The following EML2 variants were observed in gnomAD, a reference collection of about 807,000 sequenced individuals.
EML2 encodes echinoderm microtubule-associated protein-like 2.
Under a neutral mutation model 84.7 loss-of-function variants are expected in EML2, and 59 were observed. The ratio of observed to expected loss-of-function variants is 0.70; its 90% CI spans 0.56 to 0.86. EML2 has a LOEUF of 0.86. Among genes scored for constraint, EML2 ranks in the 40% least tolerant of loss-of-function variants. The pLI is 0.00. For synonymous variants in EML2, 352 were observed against 348.9 expected (o/e 1.01, Z -0.10); for missense variants, 818 against 855.6 (o/e 0.96, Z 0.55).
At chr19:45,644,458 C>G (rs1443341441), upstream of EML2, among the ~76,000 whole-genome samples, 1 of 152,144 alleles carries the variant, frequency 6.6e-6, no homozygotes, top group Non-Finnish European at 1.5e-5. Flanking sequence ...GCCCAGAGGA[C>G]TGAACCTCCA....
intron 9 of EML2, among the ~76,000 whole-genome samples, chr19:45,623,280 A>T (rs1194131028): frequency 6.6e-6 from 1 of 151,910 alleles, no homozygotes; most frequent in Admixed American, 6.6e-5. Context: ...AATGGCGTGA[A>T]CCCAGGAGGC....
chr19:45,641,609 T>A, upstream of EML2: 1 of 1,531,812 alleles, frequency 6.5e-7, no homozygotes, highest in Non-Finnish European at 8.7e-7. Context: ...TCCCTATCTC[T>A]TTCTGCGGCT....
Position 45,609,721 on chromosome 19 carries a change from C to T in EML2, c.1892G>A (p.Ser631Asn). 6.2e-7 allele frequency: 1 copy of T among 1,613,772 alleles called. No homozygotes were observed. The highest frequency in any genetic ancestry group is 1.3e-5 in the African/African-American group (1 of 75,016). ...CTTGCCCCCTGTGGTCAGGGCCATG[C>T]TGTCATCCCACAAGAAGGCCACATT... ...VTNVAFLWDD[S>N]MALTTGGKDT... The change falls in exon 19 of 19, where the codon AGC becomes AAC. Residue 631 changes from serine (S) to asparagine (N), a missense_variant. Coordinates refer to ENST00000245925, the MANE Select transcript of EML2 (RefSeq NM_012155.4).
upstream of EML2, chr19:45,643,492 C>T (rs1974779105): frequency 3.3e-6 from 5 of 1,505,628 alleles, no homozygotes; most frequent in Admixed American, 3.9e-5. Context: ...CCCCGAGTCG[C>T]CCCCCCAACC....
chr19:45,619,413 C>T (rs973643325), intron 11 of EML2: 1 of 408,354 alleles, frequency 2.4e-6, no homozygotes, highest in East Asian at 4.2e-5. Flanking sequence ...CTCCAGGGAC[C>T]TCTGCTTTCT....
chr19:45,620,723 A>G (rs1971584495), intron 11 of EML2: 1 of 192,056 alleles, frequency 5.2e-6, no homozygotes, highest in Non-Finnish European at 1.1e-5. Flanking sequence ...TGAAAAAAAA[A>G]AAAAAAAAGT....
chr19:45,634,540 TA>T, intron 3 of EML2, 69 bp from the exon 4 acceptor site: 1 of 1,168,058 alleles, frequency 8.6e-7, no homozygotes, highest in South Asian at 3.3e-5. Flanking sequence ...TGTTTTTATT[TA>T]TTTATTTATT....
chr19:45,634,445 C>G lies in EML2; in HGVS notation c.206G>C (p.Arg69Pro). The stretch of plus-strand genomic sequence containing the variant: ...GGTGGGCAGCAAATAAAGGTTGGCC[C>G]GGCAGTCTCGGCCACGGTAGCCATA... ...WVYGYRGRDCRANLYLLPTGE... is the reference protein window; with the variant it reads ...WVYGYRGRDCPANLYLLPTGE... The change falls in exon 4 of 19, where the codon CGG becomes CCG. Residue 69 changes from arginine (R) to proline (P), a missense_variant. Physicochemically the swap from Arg to Pro is moderately radical, Grantham distance 103 (BLOSUM62 -2). Coordinates refer to ENST00000245925, the MANE Select transcript of EML2 (RefSeq NM_012155.4). 1 of 1,612,910 alleles carries G rather than the reference C, an allele frequency of 6.2e-7. No homozygotes were observed. The highest frequency in any genetic ancestry group is 8.5e-7 in the Non-Finnish European group (1 of 1,179,662).
intron 17 of EML2, 29 bp downstream of exon 17, chr19:45,614,576 A>C: frequency 6.3e-7 from 1 of 1,584,446 alleles, no homozygotes; most frequent in Non-Finnish European, 8.7e-7. Context: ...TACTGTCCTC[A>C]GTGAGACCTC....
In EML2 at chr19:45,633,617, T is replaced by C. The variant is rs149156355; in HGVS notation, c.330-478A>G. 9.7e-3 allele frequency among the ~76,000 whole-genome samples: 1,483 copies of C among 152,172 alleles called. 18 individuals carry two copies. Among genetic ancestry groups the C allele is most frequent in the Non-Finnish European group, 0.016 (1,103 of 68,006 alleles). On this transcript the variant is annotated intron_variant, in intron 4 of 18. Transcript: ENST00000245925. The stretch of plus-strand genomic sequence containing the variant: ...AGCTGGGCGTGGTGGCGGGCACCTG[T>C]AGTTCCAGCTACTCGGGAGACTGAG...
At chr19:45,639,505 G>T, upstream of EML2, 3 of 951,792 alleles carry the variant, frequency 3.2e-6, no homozygotes, top group Non-Finnish European at 4.1e-6. Context: ...GAGCCGGAGG[G>T]TCCCACCGGG....
rs544408124 is a variant in EML2, at chr19:45,609,408, C to T, written c.*255G>A. On this transcript the variant is annotated 3_prime_UTR_variant, in exon 19 of 19. Coordinates refer to ENST00000245925, the MANE Select transcript of EML2 (RefSeq NM_012155.4). ...ATAGACCCTGACACACCTTAGTGTA[C>T]GTGTCTTTATTTCTGGATGATATAA... 1.6e-4 allele frequency: 58 copies of T among 353,432 alleles called. 1 individual carries two copies. The highest frequency in any genetic ancestry group is 1.5e-3 in the South Asian group (33 of 22,286). The allele number at this position is 353,432 out of a possible 1,614,324, so 21.9% of individuals were successfully genotyped here.
At chr19:45,640,242 A>T (rs954307889), upstream of EML2, 79 of 152,296 alleles carry the variant, frequency 5.2e-4, no homozygotes, top group African/African-American at 1.9e-3. Flanking sequence ...TTTTTGATAC[A>T]GGGTGTGGCT....
chr19:45,638,411 A>G lies in EML2; in HGVS notation c.179+94T>C, dbSNP rs1443093448. The G allele has an allele frequency of 2.5e-6, 4 of 1,574,018 alleles. No homozygotes were observed. In the Admixed American group the frequency reaches 5.0e-5, roughly 20 times the overall value. ...CTCTTGGCCTCAAACGATCCTCCCA[A>G]AGTGCTGAGATTACAGGCCTGAGCT... On this transcript the variant is annotated intron_variant, in intron 3 of 18. Transcript: ENST00000245925.
In EML2 at chr19:45,630,025, C is replaced by A; in HGVS notation, c.532G>T (p.Ala178Ser). The change falls in exon 7 of 19, where the codon GCA (alanine) becomes TCA (serine). Residue 178 changes from alanine (A) to serine (S), a missense_variant. Physicochemically the swap from Ala to Ser is moderately conservative, Grantham distance 99. Coordinates refer to ENST00000245925, the MANE Select transcript of EML2 (RefSeq NM_012155.4). Reference protein sequence around the residue: ...SKSNGGNLLCAVDESNDHMLS... With the variant: ...SKSNGGNLLCSVDESNDHMLS... Reference sequence around the variant, plus strand: ...ATGTGATCATTGGATTCATCCACTGCACACAGCAGGTTGCCTCCATTCTAA... The same window carrying A: ...ATGTGATCATTGGATTCATCCACTGAACACAGCAGGTTGCCTCCATTCTAA... 1 of 1,612,950 alleles carries A rather than the reference C, an allele frequency of 6.2e-7. No individual in the cohort carries two copies. Among genetic ancestry groups the A allele is most frequent in the African/African-American group, 1.3e-5 (1 of 74,928 alleles).
chr19:45,616,887 G>T, intron 13 of EML2, 34 bp from the exon 14 acceptor site: 1 of 1,532,850 alleles, frequency 6.5e-7, no homozygotes, highest in South Asian at 1.1e-5. Context: ...GGGAGGAGGG[G>T]TGAGCTGATC....
chr19:45,642,365 G>A (rs925399745), upstream of EML2: 33 of 1,526,124 alleles, frequency 2.2e-5, no homozygotes, highest in Non-Finnish European at 2.5e-5. Context: ...GGAAGACGGG[G>A]GAGTGCCGGC....
intron 4 of EML2, among the ~76,000 whole-genome samples, chr19:45,633,693 G>A (rs1423790094): frequency 2.6e-5 from 4 of 151,972 alleles, no homozygotes; most frequent in East Asian, 1.9e-4. Context: ...AGTCGAGATC[G>A]TGCCACTGGA....
chr19:45,633,091 C>T lies in EML2; in HGVS notation c.378G>A (p.Ala126=), dbSNP rs764049630. 20 of 1,596,338 alleles carry T rather than the reference C, an allele frequency of 1.3e-5. No homozygotes were observed. The East Asian group carries it at 2.7e-4, about 22-fold the overall frequency. ...TTACCTTCCCTTCCTTAGTGGTTCCCGCCACCTGTCCCGTGGCGATGGTGA... is the reference window on the plus strand; with the variant it reads ...TTACCTTCCCTTCCTTAGTGGTTCCTGCCACCTGTCCCGTGGCGATGGTGA... ...DMVTIATGQV[A]GTTKEGKPLP... The change falls in exon 5 of 19, where the codon GCG becomes GCA. Residue 126 remains alanine, a synonymous_variant. Coordinates refer to ENST00000245925, the MANE Select transcript of EML2 (RefSeq NM_012155.4).
Sources: gnomAD v4.1 joint callset for allele counts (sites outside exome capture counted in the v4.1 genomes callset) on GRCh38, gnomAD v4.1.1 for gene constraint, MANE v1.5 for transcripts, NCBI Gene and HGNC (gene_info 2026-07-23, HGNC 2026-07-21) for gene names.